The following ZDHHC19 variants were observed in gnomAD, a reference collection of about 807,000 sequenced individuals.
ZDHHC19 encodes the protein palmitoyltransferase ZDHHC19.
In ZDHHC19, 30 loss-of-function variants were observed where a neutral mutation model predicts 33.9. The ratio of observed to expected loss-of-function variants is 0.88; its 90% CI spans 0.66 to 1.20. ZDHHC19 has a LOEUF of 1.20. ZDHHC19 is among the 50% of genes most tolerant of loss of function. The probability of loss-of-function intolerance (pLI) is 0.00; values close to 1 mark genes in which losing one functional copy is unlikely to be tolerated. For synonymous variants in ZDHHC19, 178 were observed against 167.6 expected (o/e 1.06, Z -0.48); for missense variants, 364 against 401.1 (o/e 0.91, Z 0.79).
intron 6 of ZDHHC19, 87 bp downstream of exon 6, chr3:196,198,702 C>T: frequency 6.2e-7 from 1 of 1,605,228 alleles, no homozygotes; most frequent in Non-Finnish European, 8.5e-7. Context: ...AGTGTAAGGG[C>T]CTGGGGCTGT....
intron 2 of ZDHHC19, 40 bp from the exon 3 acceptor site, chr3:196,209,555 C>A (rs200173869): frequency 6.2e-7 from 1 of 1,600,214 alleles, no homozygotes; most frequent in Non-Finnish European, 8.5e-7. Context: ...GAAGGCCCTG[C>A]GGTCACCCCG....
intron 1 of ZDHHC19, 36 bp downstream of exon 1, chr3:196,211,132 CTT>C (rs201416127): frequency 0.013 from 20,183 of 1,614,038 alleles, 182 homozygotes; most frequent in Non-Finnish European, 0.013. Flanking sequence ...CTGGCTGTCT[CTT>C]TGTGGGAAAC....
At chr3:196,207,551 G>T in intron 4 of ZDHHC19, 48 bp from the exon 5 acceptor site, 1 of 1,289,502 alleles carries the variant, frequency 7.8e-7, no homozygotes, top group Non-Finnish European at 1.0e-6. Context: ...GCCTGGCCCC[G>T]CCCCCCAGGC....
intron 5 of ZDHHC19, among the ~76,000 whole-genome samples, chr3:196,201,069 C>T (rs1033370119): frequency 6.6e-6 from 1 of 151,670 alleles, no homozygotes; most frequent in Non-Finnish European, 1.5e-5. Flanking sequence ...ATAAGACTGA[C>T]CCATACATTT....
chr3:196,199,477 C>T (rs771728664), intron 5 of ZDHHC19: 2 of 158,916 alleles, frequency 1.3e-5, no homozygotes, highest in African/African-American at 2.4e-5. Context: ...CAACACCATT[C>T]TCCACCAAAG....
At chr3:196,201,276 T>C (rs1274127640) in intron 5 of ZDHHC19, among the ~76,000 whole-genome samples, 1 of 151,304 alleles carries the variant, frequency 6.6e-6, no homozygotes, top group East Asian at 2.0e-4. Context: ...TTTCACTGTG[T>C]TGGCCAGTCT....
At chr3:196,198,653 C>G in intron 6 of ZDHHC19, 136 bp downstream of exon 6, 1 of 1,567,956 alleles carries the variant, frequency 6.4e-7, no homozygotes. Flanking sequence ...CCAGAGCTCC[C>G]AGTGCCCTGG....
At position 196,207,510 on chromosome 3, in the gene ZDHHC19, G is replaced by A. The variant is rs1414178516; in HGVS notation, c.582-7C>T. The A allele has an allele frequency of 5.2e-6, 8 of 1,547,214 alleles. 1 individual carries two copies. Among genetic ancestry groups the A allele is most frequent in the South Asian group, 2.4e-5 (2 of 83,860 alleles). On this transcript the variant is annotated splice_region_variant and splice_polypyrimidine_tract_variant and intron_variant, in intron 4 of 7. Coordinates refer to ENST00000296326, the MANE Select transcript of ZDHHC19 (RefSeq NM_001039617.2). ...GGACACGGCCACCACGATGCTGCGCGGGTTAAGGAACCGGGCTGCGGGACC... is the reference window on the plus strand; with the variant it reads ...GGACACGGCCACCACGATGCTGCGCAGGTTAAGGAACCGGGCTGCGGGACC...
chr3:196,211,108 C>T lies in ZDHHC19; in HGVS notation c.146+62G>A, dbSNP rs1723267959. The T allele has an allele frequency of 3.7e-6, 6 of 1,612,826 alleles. No individual in the cohort carries two copies. In the African/African-American group the frequency reaches 4.0e-5, roughly 11 times the overall value. ...CTGCACTCCCCTGCCTCCATCCTAT[C>T]ATCTTCTGTTTCCCTGGCTGTCTCT... On this transcript the variant is annotated intron_variant, in intron 1 of 7. Transcript: ENST00000296326.
At chr3:196,208,642 C>A in intron 3 of ZDHHC19, 82 bp from the exon 4 acceptor site, 1 of 1,510,052 alleles carries the variant, frequency 6.6e-7, no homozygotes, top group South Asian at 1.3e-5. Context: ...AGGCCCTCCC[C>A]CTGCCTTCTA....
Position 196,203,014 on chromosome 3 carries a change from C to T in ZDHHC19, c.688-4140G>A, listed in dbSNP as rs1479283732. Among the ~76,000 whole-genome samples, 3 of 152,130 alleles carry T rather than the reference C, an allele frequency of 2.0e-5. No individual in the cohort carries two copies. Among genetic ancestry groups the T allele is most frequent in the Non-Finnish European group, 4.4e-5 (3 of 68,022 alleles). On this transcript the variant is annotated intron_variant, in intron 5 of 7. Transcript: ENST00000296326. The surrounding 1 kb of genome is among the most constrained non-coding windows in gnomAD (Gnocchi z 4.3). ...AGTGGCTCAGCCTGTAATCCCAGCA[C>T]TTTGGGAGGCCGAGGCGAGTGGCTC...
intron 2 of ZDHHC19, among the ~76,000 whole-genome samples, chr3:196,210,257 AAGAAAGAAAAG>A (rs1196350394): frequency 2.4e-5 from 3 of 127,018 alleles, no homozygotes; most frequent in South Asian, 2.7e-4. Flanking sequence ...AAGAAAAAGA[AAGAAAGAAAAG>A]AGAAAGAAAG....
rs886320854 is a variant in ZDHHC19, at chr3:196,203,556, T to G, written c.687+3842A>C. Among the ~76,000 whole-genome samples the G allele has an allele frequency of 3.3e-5, 5 of 152,086 alleles. No homozygotes were observed. The highest frequency in any genetic ancestry group is 7.4e-5 in the Non-Finnish European group (5 of 68,014). On this transcript the variant is annotated intron_variant, in intron 5 of 7. Transcript: ENST00000296326. This position sits in a 1 kb window ranked among gnomAD's most constrained non-coding sequence, Gnocchi z 4.3. ...GAGGAAGGGAATGAGATTTGGGGCA[T>G]GTGAAGAAGGCCTGAGGCAGGTGCT...
chr3:196,200,560 T>C lies in ZDHHC19; in HGVS notation c.688-1686A>G, dbSNP rs534421285. The stretch of plus-strand genomic sequence containing the variant: ...TAGTAGAGACGGGGTTTCACCGTGT[T>C]AGCCAGGATGGTCTCGATCTCCTGA... On this transcript the variant is annotated intron_variant, in intron 5 of 7. Coordinates refer to ENST00000296326, the MANE Select transcript of ZDHHC19 (RefSeq NM_001039617.2). Among the ~76,000 whole-genome samples the C allele has an allele frequency of 3.8e-3, 571 of 149,588 alleles. 6 individuals are homozygous for C. The highest frequency in any genetic ancestry group is 5.3e-3 in the Non-Finnish European group (360 of 67,786).
Position 196,211,199 on chromosome 3 carries a change from G to A in ZDHHC19, c.117C>T (p.Val39=), listed in dbSNP as rs1560144366. 2.5e-6 allele frequency: 4 copies of A among 1,614,086 alleles called. No individual in the cohort carries two copies. The highest frequency in any genetic ancestry group is 2.5e-6 in the Non-Finnish European group (3 of 1,180,046). ...LFAAFNVVLL[V]FFSGLFFAFP... ...ATGCGAAGAAGAGGCCACTGAAAAA[G>A]ACCAGCAGCACCACATTGAAGGCAG... Residue 39 remains valine, a synonymous_variant, in exon 1 of 8, where the codon GTC becomes GTT. Coordinates refer to ENST00000296326, the MANE Select transcript of ZDHHC19 (RefSeq NM_001039617.2).
Position 196,210,750 on chromosome 3 carries a change from G to T in ZDHHC19, c.147-13C>A. ...CAGCCACCTGCAACTGAGACCAGAG[G>T]CAGGCTCGGTCCTGAGCAGGGGCAG... is the stretch of plus-strand genomic sequence containing the variant. On this transcript the variant is annotated splice_polypyrimidine_tract_variant and intron_variant, in intron 1 of 7. Coordinates refer to ENST00000296326, the MANE Select transcript of ZDHHC19 (RefSeq NM_001039617.2). 6.2e-7 allele frequency: 1 copy of T among 1,612,206 alleles called. No homozygotes were observed. Among genetic ancestry groups the T allele is most frequent in the Non-Finnish European group, 8.5e-7 (1 of 1,179,178 alleles).
chr3:196,198,484 C>T (rs1106479), intron 6 of ZDHHC19, 33 bp from the exon 7 acceptor site: 249,869 of 1,592,802 alleles, frequency 0.16, 24,175 homozygotes, highest in East Asian at 0.51. Context: ...CAGGGGCCAC[C>T]GTCCTCCCTG....
Position 196,209,425 on chromosome 3 carries a change from T to C in ZDHHC19, c.359A>G (p.His120Arg). Residue 120 changes from histidine to arginine, a missense_variant, in exon 3 of 8, where the codon CAC (histidine) becomes CGC (arginine). Physicochemically the swap from His to Arg is conservative, Grantham distance 29 (BLOSUM62 0). Coordinates refer to ENST00000296326, the MANE Select transcript of ZDHHC19 (RefSeq NM_001039617.2). ...RLQWCPKCCF[H>R]RPPRTYHCPW... ...GCAGTGGTAAGTCCGGGGCGGGCGGTGGAAGCAGCACTTTGGACACCATTG... is the reference window on the plus strand; with the variant it reads ...GCAGTGGTAAGTCCGGGGCGGGCGGCGGAAGCAGCACTTTGGACACCATTG... 1 of 1,609,144 alleles carries C rather than the reference T, an allele frequency of 6.2e-7. No homozygotes were observed. Among genetic ancestry groups the C allele is most frequent in the Non-Finnish European group, 8.5e-7 (1 of 1,178,174 alleles).
rs1208551750 is a variant in ZDHHC19 at position 196,209,534 on chromosome 3, T to G, written c.269-19A>C. ...GCGGAGCCTGGCGTGGGAAGAGGAT[T>G]GGGCACAGCAGAAGGCCCTGCGGTC... On this transcript the variant is annotated intron_variant, in intron 2 of 7. Coordinates refer to ENST00000296326, the MANE Select transcript of ZDHHC19 (RefSeq NM_001039617.2). The G allele has an allele frequency of 5.6e-6, 9 of 1,611,108 alleles. No homozygotes were observed. Among genetic ancestry groups the G allele is most frequent in the Non-Finnish European group, 7.6e-6 (9 of 1,179,140 alleles).
Sources: gnomAD v4.1 joint callset for allele counts (sites outside exome capture counted in the v4.1 genomes callset) on GRCh38, gnomAD v4.1.1 for gene constraint, Gnocchi (gnomAD v3.1) non-coding constraint, MANE v1.5 for transcripts, NCBI Gene and HGNC (gene_info 2026-07-23, HGNC 2026-07-21) for gene names.